GABRA2: variants seen among roughly 807,000 people sequenced by gnomAD.
The protein encoded by GABRA2 is gamma-aminobutyric acid receptor subunit alpha-2.
A neutral mutation model predicts 48.7 loss-of-function variants in GABRA2; 16 were observed. The ratio of observed to expected loss-of-function variants is 0.33; its 90% CI spans 0.22 to 0.50. The LOEUF (loss-of-function observed/expected upper bound fraction) is 0.50. Among genes scored for constraint, GABRA2 ranks in the 20% least tolerant of loss-of-function variants. The probability of loss-of-function intolerance (pLI) is 0.98; values close to 1 mark genes in which losing one functional copy is unlikely to be tolerated. For missense variants in GABRA2, 275 were observed against 535.6 expected (o/e 0.51, Z 4.80); for synonymous variants, 185 against 184.5 (o/e 1.00, Z -0.02).
chr4:46,309,856 G>C (rs1205776036), intron 6 of GABRA2, among the ~76,000 whole-genome samples: 1 of 151,992 alleles, frequency 6.6e-6, no homozygotes, highest in Non-Finnish European at 1.5e-5. Flanking sequence ...AGAAACATTT[G>C]AGTTTTTAAT....
At chr4:46,383,061 G>C (rs1262719456) in intron 3 of GABRA2, among the ~76,000 whole-genome samples, 3 of 152,114 alleles carry the variant, frequency 2.0e-5, no homozygotes, top group Non-Finnish European at 2.9e-5. Context: ...AAAAATGTTG[G>C]ATGCAGAGGT....
chr4:46,331,681 C>A (rs1209723291), intron 4 of GABRA2, among the ~76,000 whole-genome samples: 1 of 152,036 alleles, frequency 6.6e-6, no homozygotes, highest in African/African-American at 2.4e-5. Context: ...CCCACCAGTA[C>A]CTAACACATC....
chr4:46,369,107 C>T (rs769956586), intron 3 of GABRA2: 17 of 653,268 alleles, frequency 2.6e-5, no homozygotes, highest in Non-Finnish European at 4.5e-5. Context: ...TAGGGTAGGG[C>T]TAGGTTAATA....
chr4:46,363,708 C>A (rs143714244), intron 3 of GABRA2: 1 of 152,140 alleles, frequency 6.6e-6, no homozygotes, highest in African/African-American at 2.4e-5. Context: ...CATTAACAAT[C>A]TTAAAATGGT....
At chr4:46,292,319 G>A (rs1723822473) in intron 8 of GABRA2, among the ~76,000 whole-genome samples, 2 of 152,180 alleles carry the variant, frequency 1.3e-5, no homozygotes, top group African/African-American at 2.4e-5. Context: ...AGCTGAAATG[G>A]TGAAAAATCA....
intron 9 of GABRA2, among the ~76,000 whole-genome samples, 167 bp from the exon 10 acceptor site, chr4:46,250,771 C>T (rs1384289807): frequency 6.6e-6 from 1 of 151,498 alleles, no homozygotes; most frequent in Non-Finnish European, 1.5e-5. Flanking sequence ...AATTCCAAAT[C>T]CATTACGGTG....
chr4:46,385,065 T>C (rs1168288538), intron 3 of GABRA2, among the ~76,000 whole-genome samples: 2 of 136,596 alleles, frequency 1.5e-5, no homozygotes, highest in Non-Finnish European at 3.1e-5. Flanking sequence ...ACCCAAACCA[T>C]ACAATTGCCT....
chr4:46,292,833 C>A (rs1448038394), intron 8 of GABRA2, among the ~76,000 whole-genome samples: 1 of 152,110 alleles, frequency 6.6e-6, no homozygotes, highest in Non-Finnish European at 1.5e-5. Context: ...CAATGCTTTG[C>A]AAAATAGATT....
At chr4:46,318,981 G>A (rs1305327134) in intron 4 of GABRA2, among the ~76,000 whole-genome samples, 1 of 151,582 alleles carries the variant, frequency 6.6e-6, no homozygotes, top group Non-Finnish European at 1.5e-5. Context: ...TGAATTTCCT[G>A]TTTTCAAGTT....
At chr4:46,291,433 G>C (rs1037687705) in intron 8 of GABRA2, among the ~76,000 whole-genome samples, 3 of 152,098 alleles carry the variant, frequency 2.0e-5, no homozygotes, top group Non-Finnish European at 4.4e-5. Context: ...GCAAAGTATT[G>C]ATCCTGGGTG....
intron 4 of GABRA2, among the ~76,000 whole-genome samples, chr4:46,325,900 T>A (rs958991230): frequency 2.0e-5 from 3 of 152,034 alleles, no homozygotes; most frequent in Admixed American, 1.3e-4. Context: ...CGTGGCTTTA[T>A]TTCTGGGTTC....
intron 8 of GABRA2, among the ~76,000 whole-genome samples, chr4:46,291,616 A>G (rs1723638708): frequency 6.6e-6 from 1 of 151,886 alleles, no homozygotes; most frequent in African/African-American, 2.4e-5. Flanking sequence ...CAGCCTATAT[A>G]TTTCGCCCAG....
intron 3 of GABRA2, among the ~76,000 whole-genome samples, chr4:46,348,250 G>A (rs1349415952): frequency 2.6e-5 from 4 of 152,014 alleles, no homozygotes; most frequent in Non-Finnish European, 5.9e-5. Flanking sequence ...AGTTAGAATG[G>A]CAGTCATTAA....
chr4:46,275,535 A>G (rs1204327946), intron 8 of GABRA2, among the ~76,000 whole-genome samples: 1 of 152,170 alleles, frequency 6.6e-6, no homozygotes, highest in African/African-American at 2.4e-5. Flanking sequence ...ACCTGATGTG[A>G]CTATAAGAAC....
chr4:46,277,918 A>G (rs1201981087), intron 8 of GABRA2, among the ~76,000 whole-genome samples: 1 of 152,182 alleles, frequency 6.6e-6, no homozygotes, highest in Non-Finnish European at 1.5e-5. Flanking sequence ...ATATTAGCAT[A>G]TATACATATG....
intron 8 of GABRA2, among the ~76,000 whole-genome samples, chr4:46,291,273 C>A (rs1723573964): frequency 6.6e-6 from 1 of 152,100 alleles, no homozygotes; most frequent in African/African-American, 2.4e-5. Context: ...TATAATAGGT[C>A]TGTTGAGTTT....
rs569787142 is a variant in GABRA2 at position 46,292,130 on chromosome 4, A to G, written c.856+11330T>C. Among the ~76,000 whole-genome samples the G allele has an allele frequency of 4.6e-5, 7 of 152,206 alleles. 1 individual carries two copies. In the South Asian group the frequency reaches 1.5e-3, roughly 32 times the overall value. ...GATTCTACACATAATACCTTTGACT[A>G]AATGTGGAGAACCAAGAAACATAAA... On this transcript the variant is annotated intron_variant, in intron 8 of 9. Coordinates refer to ENST00000381620, the MANE Select transcript of GABRA2 (RefSeq NM_000807.4).
rs145264940 is a variant in GABRA2, at chr4:46,331,433, C to T, written c.255+1182G>A. On this transcript the variant is annotated intron_variant, in intron 4 of 9. Transcript: ENST00000381620. ...TTCTCTAACGGAAACGTAGGGAGCT[C>T]CTATTAAATTAGCTGATAATGTTTA... 2.6e-4 allele frequency among the ~76,000 whole-genome samples: 39 copies of T among 152,140 alleles called. No individual in the cohort carries two copies. In the East Asian group the frequency reaches 7.2e-3, roughly 28 times the overall value.
chr4:46,275,651 C>A (rs567613578), intron 8 of GABRA2, among the ~76,000 whole-genome samples: 5 of 152,044 alleles, frequency 3.3e-5, no homozygotes, highest in Admixed American at 1.3e-4. Context: ...CTATATAAAC[C>A]GCCCCAATGT....
Sources: allele counts gnomAD v4.1 joint callset (sites outside exome capture counted in the v4.1 genomes callset), GRCh38; gene constraint gnomAD v4.1.1; transcripts MANE v1.5; gene names NCBI Gene and HGNC (gene_info 2026-07-23, HGNC 2026-07-21).